The following TBCK variants were observed in gnomAD, a reference collection of about 807,000 sequenced individuals.
TBCK encodes the protein TBC1 domain containing kinase.
A neutral mutation model predicts 113.4 loss-of-function variants in TBCK; 99 were observed. That is an observed-to-expected ratio of 0.87 (90% CI 0.74 to 1.03). The LOEUF (loss-of-function observed/expected upper bound fraction) is 1.03. TBCK is among the 50% of genes least tolerant of loss of function. The pLI is 0.00. For missense variants in TBCK, 1,045 were observed against 1,061.3 expected (o/e 0.98, Z 0.21); for synonymous variants, 369 against 370.8 (o/e 1.00, Z 0.05).
At chr4:106,074,089 C>T (rs1023023187) in intron 25 of TBCK, among the ~76,000 whole-genome samples, 2 of 152,212 alleles carry the variant, frequency 1.3e-5, no homozygotes, top group African/African-American at 4.8e-5. Flanking sequence ...CAATGCCCTG[C>T]CCTGCTTCAG....
chr4:106,229,038 G>A (rs892131134), intron 19 of TBCK, among the ~76,000 whole-genome samples: 9 of 152,042 alleles, frequency 5.9e-5, no homozygotes, highest in Non-Finnish European at 1.3e-4. Context: ...CCATGTGTAT[G>A]TCTTCTTTTG....
rs117275641 is a variant in TBCK, at chr4:106,091,401, G to A, written c.2571+4081C>T. On this transcript the variant is annotated intron_variant, in intron 25 of 25. Coordinates refer to ENST00000394708, the MANE Select transcript of TBCK (RefSeq NM_001163435.3). The stretch of plus-strand genomic sequence containing the variant: ...AACACCTCCCACTGTGTCCGGAACT[G>A]GTGGGTTCTTGGTCTCACTGACTTC... Among the ~76,000 whole-genome samples, 48 of 152,332 alleles carry A rather than the reference G, an allele frequency of 3.2e-4. 2 individuals carry two copies. In the East Asian group the frequency reaches 7.5e-3, roughly 24 times the overall value.
rs542686464 is a variant in TBCK, at chr4:106,183,534, CTA to C, written c.2059+10073_2059+10074del. ...CTCTCCATCCTACTACAGAGCTACA[CTA>C]TGTCTTATTTATTTTTATGGCCCCA... On this transcript the variant is annotated intron_variant, in intron 22 of 25. Transcript: ENST00000394708. 4.7e-4 allele frequency among the ~76,000 whole-genome samples: 72 copies of C among 152,156 alleles called. No individual in the cohort carries two copies. The Middle Eastern group carries it at 0.014, about 29-fold the overall frequency.
At chr4:106,251,604 T>G (rs1052820030) in intron 6 of TBCK, among the ~76,000 whole-genome samples, 2 of 152,072 alleles carry the variant, frequency 1.3e-5, no homozygotes, top group East Asian at 1.9e-4. Flanking sequence ...ATCTTAACTT[T>G]GTAAAAATAT....
rs869091052 is a variant in TBCK at position 106,314,616 on chromosome 4, A to ATTT, written c.-30+1312_-30+1314dup. 5.1e-4 allele frequency among the ~76,000 whole-genome samples: 52 copies of ATTT among 102,060 alleles called. 1 individual carries two copies. The highest frequency in any genetic ancestry group is 1.2e-3 in the African/African-American group (28 of 24,298). 67.0% of individuals were successfully genotyped at this position (102,060 alleles called of 152,430 possible). On this transcript the variant is annotated intron_variant, in intron 1 of 25. Coordinates refer to ENST00000394708, the MANE Select transcript of TBCK (RefSeq NM_001163435.3). ...CAATCCTACTACGCTATACTACTTG[A>ATTT]TTTTTTTTTTTTTTTTTTTTTTTTT...
intron 25 of TBCK, among the ~76,000 whole-genome samples, chr4:106,047,793 AGAAGTTTTTCTTT>A (rs764062869): frequency 3.3e-5 from 5 of 152,170 alleles, no homozygotes; most frequent in Non-Finnish European, 7.3e-5. Flanking sequence ...TATGAAGTAA[AGAAGTTTTTCTTT>A]GGCCCTTTGC....
At chr4:106,305,273 C>T (rs1767393374) in intron 2 of TBCK, among the ~76,000 whole-genome samples, 1 of 151,454 alleles carries the variant, frequency 6.6e-6, no homozygotes, top group Non-Finnish European at 1.5e-5. Flanking sequence ...AATCAAGAGA[C>T]ATAAATGTCT....
chr4:106,242,773 T>C (rs1443732185), intron 11 of TBCK, among the ~76,000 whole-genome samples: 1 of 151,898 alleles, frequency 6.6e-6, no homozygotes, highest in Non-Finnish European at 1.5e-5. Context: ...GCAGGTTAGT[T>C]ACATATGTAT....
chr4:106,055,396 G>C (rs1460124293), intron 25 of TBCK, among the ~76,000 whole-genome samples: 1 of 151,022 alleles, frequency 6.6e-6, no homozygotes, highest in Non-Finnish European at 1.5e-5. Flanking sequence ...AATCTCATAA[G>C]GATTAAAGGA....
intron 3 of TBCK, among the ~76,000 whole-genome samples, chr4:106,285,316 G>T (rs1249484845): frequency 2.0e-5 from 3 of 151,964 alleles, no homozygotes; most frequent in African/African-American, 7.3e-5. Flanking sequence ...ATTCTCAAAA[G>T]GGTTTTACGG....
At chr4:106,118,360 T>C (rs1332900036) in intron 23 of TBCK, among the ~76,000 whole-genome samples, 2 of 152,234 alleles carry the variant, frequency 1.3e-5, no homozygotes, top group Non-Finnish European at 2.9e-5. Context: ...TCTTACTTCA[T>C]TAACTTTTAA....
At chr4:106,280,217 C>T (rs1398051424) in intron 3 of TBCK, among the ~76,000 whole-genome samples, 1 of 152,046 alleles carries the variant, frequency 6.6e-6, no homozygotes, top group Admixed American at 6.6e-5. Context: ...AGCCTGTGTG[C>T]CATGTGTATG....
At chr4:106,233,782 G>T (rs1254306184) in intron 15 of TBCK, 132 bp from the exon 16 acceptor site, 5 of 633,272 alleles carry the variant, frequency 7.9e-6, no homozygotes, top group Non-Finnish European at 1.3e-5. Context: ...TTCAAACTCA[G>T]GGTAGAACTC....
chr4:106,167,142 A>G (rs751225690), intron 23 of TBCK, among the ~76,000 whole-genome samples: 16 of 147,450 alleles, frequency 1.1e-4, no homozygotes, highest in Non-Finnish European at 2.2e-4. Flanking sequence ...AGAGAGAGAG[A>G]GAGAGAACTA....
At chr4:106,126,935 G>A (rs527257523) in intron 23 of TBCK, among the ~76,000 whole-genome samples, 3 of 152,322 alleles carry the variant, frequency 2.0e-5, no homozygotes, top group East Asian at 1.9e-4. Flanking sequence ...TTGGCTGGGT[G>A]TGGTGGCTCA....
intron 3 of TBCK, among the ~76,000 whole-genome samples, chr4:106,286,859 G>C (rs1265611090): frequency 6.7e-6 from 1 of 149,112 alleles, no homozygotes; most frequent in African/African-American, 2.5e-5. Flanking sequence ...CAGCAGCCTG[G>C]GTGACAAAGC....
In TBCK at chr4:106,193,746, A is replaced by G. The variant is rs1346078356; in HGVS notation, c.1922T>C (p.Phe641Ser). The change falls in exon 22 of 26, where the codon TTC becomes TCC. Residue 641 changes from phenylalanine (F) to serine (S), a missense_variant. By Grantham distance (155) the Phe-to-Ser change is radical. Transcript: ENST00000394708. ...AAGTAGTAAGGTATCCCAGAGGTGG[A>G]AAATTTTGTGTAGTGGAAATACATC... ...FTHVFPLHKI[F>S]HLWDTLLLGN... 1 of 1,586,412 alleles carries G rather than the reference A, an allele frequency of 6.3e-7. No individual in the cohort carries two copies. Among genetic ancestry groups the G allele is most frequent in the Non-Finnish European group, 8.5e-7 (1 of 1,171,134 alleles).
intron 3 of TBCK, among the ~76,000 whole-genome samples, chr4:106,276,391 A>T (rs1325731758): frequency 1.3e-5 from 2 of 152,184 alleles, no homozygotes; most frequent in African/African-American, 4.8e-5. Context: ...CAGAAGAAAA[A>T]TTTGACACAT....
intron 3 of TBCK, among the ~76,000 whole-genome samples, chr4:106,293,496 A>G (rs1765938977): frequency 6.6e-6 from 1 of 152,182 alleles, no homozygotes; most frequent in Admixed American, 6.5e-5. Flanking sequence ...AGTACACAGT[A>G]AATGTAATGC....
Sources: allele counts gnomAD v4.1 joint callset (sites outside exome capture counted in the v4.1 genomes callset), GRCh38; gene constraint gnomAD v4.1.1; transcripts MANE v1.5; gene names NCBI Gene and HGNC (gene_info 2026-07-23, HGNC 2026-07-21).